Variants in CACNA1E observed in about 807,000 individuals in gnomAD.
CACNA1E encodes the protein calcium voltage-gated channel subunit alpha1 E.
Under a neutral mutation model 259.2 loss-of-function variants are expected in CACNA1E, and 40 were observed. The ratio of observed to expected loss-of-function variants is 0.15; its 90% confidence interval spans 0.12 to 0.20. CACNA1E has a LOEUF of 0.20. CACNA1E is among the 10% of genes least tolerant of loss of function. The pLI is 1.00. For missense variants in CACNA1E, 1,874 were observed against 3,040.1 expected, an observed-to-expected ratio of 0.62 and a Z score of 9.02; for synonymous variants, 1,104 against 1,138.5, an observed-to-expected ratio of 0.97 and a Z score of 0.61.
chr1:181,456,456 T>C (rs969689973), intron 2 of CACNA1E, among the ~76,000 whole-genome samples: 18 of 152,174 alleles, frequency 1.2e-4, no homozygotes, highest in African/African-American at 4.1e-4. Flanking sequence ...AGGTATTCCC[T>C]TGGCACATAC....
Position 181,737,574 on chromosome 1 carries a change from T to G in CACNA1E, c.3472T>G (p.Cys1158Gly). 1 of 1,613,964 alleles carries G rather than the reference T, an allele frequency of 6.2e-7. No individual in the cohort carries two copies. Among genetic ancestry groups the G allele is most frequent in the Non-Finnish European group, 8.5e-7 (1 of 1,179,866 alleles). ...CGTGAACCTGCGCTACTTTGAGATG[T>G]GCATCCTCCTGGTGATTGCAGCCAG... ...YIVNLRYFEM[C>G]ILLVIAASSI... The change falls in exon 23 of 48, where the codon TGC becomes GGC. Residue 1158 changes from cysteine (C) to glycine (G), a missense_variant. Around this residue, in one of 14 missense-constraint regions of CACNA1E, gnomAD observed 56 missense variants for 97.4 expected, o/e 0.57. Coordinates refer to ENST00000367573, the MANE Select transcript of CACNA1E (RefSeq NM_001205293.3).
intron 6 of CACNA1E, among the ~76,000 whole-genome samples, chr1:181,610,015 G>A (rs561786681): frequency 8.5e-5 from 13 of 152,244 alleles, no homozygotes; most frequent in African/African-American, 3.1e-4. Flanking sequence ...ATCCAGTTTT[G>A]TGGCCCCTGG....
intron 6 of CACNA1E, among the ~76,000 whole-genome samples, chr1:181,605,910 A>G (rs2103086355): frequency 6.6e-6 from 1 of 152,268 alleles, no homozygotes; most frequent in East Asian, 1.9e-4. Context: ...TAATTCGGGA[A>G]TTTAAAACTC....
intron 16 of CACNA1E, among the ~76,000 whole-genome samples, chr1:181,723,368 C>G (rs1166611049): frequency 6.6e-6 from 1 of 152,168 alleles, no homozygotes; most frequent in East Asian, 1.9e-4. Flanking sequence ...TGGGTAGAGG[C>G]CACAGCTGTC....
Position 181,487,349 on chromosome 1 carries a change from A to G in CACNA1E, c.266+3339A>G, listed in dbSNP as rs116788295. 1.8e-3 allele frequency among the ~76,000 whole-genome samples: 270 copies of G among 152,272 alleles called. 2 individuals carry two copies. The highest frequency in any genetic ancestry group is 6.3e-3 in the African/African-American group (260 of 41,548). On this transcript the variant is annotated intron_variant, in intron 1 of 47. Transcript: ENST00000367573. ...CACCCCGACTTGGAGGGGGAGGGTA[A>G]TCTTATCCAGTTATTAATAGGGGAG... is the stretch of plus-strand genomic sequence containing the variant.
chr1:181,681,278 C>T (rs1230724633), intron 7 of CACNA1E, among the ~76,000 whole-genome samples: 2 of 152,184 alleles, frequency 1.3e-5, no homozygotes, highest in Admixed American at 6.5e-5. Context: ...GCTGCAAAGC[C>T]GTATTTTCAA....
chr1:181,739,866 G>A (rs1428997212), intron 25 of CACNA1E, among the ~76,000 whole-genome samples: 1 of 152,130 alleles, frequency 6.6e-6, no homozygotes, highest in Admixed American at 6.5e-5. Flanking sequence ...ACAAAATCAT[G>A]TTCATAATAT....
At chr1:181,772,364 C>T (rs1180854873) in intron 37 of CACNA1E, 133 bp downstream of exon 37, 1 of 817,716 alleles carries the variant, frequency 1.2e-6, no homozygotes, top group Non-Finnish European at 2.0e-6. Context: ...CACACCCCCA[C>T]CATGCACACA....
At chr1:181,597,581 C>T (rs1046596820) in intron 6 of CACNA1E, among the ~76,000 whole-genome samples, 7 of 152,170 alleles carry the variant, frequency 4.6e-5, no homozygotes, top group East Asian at 1.9e-4. Flanking sequence ...GCACTCTACA[C>T]GTGTGACTGC....
chr1:181,508,836 G>T (rs1049181378), intron 1 of CACNA1E, among the ~76,000 whole-genome samples: 1 of 152,196 alleles, frequency 6.6e-6, no homozygotes, highest in South Asian at 2.1e-4. Flanking sequence ...TCCATGTGGG[G>T]AGGCTCCCCT....
intron 3 of CACNA1E, among the ~76,000 whole-genome samples, chr1:181,524,434 C>G (rs1430396745): frequency 6.6e-6 from 1 of 152,192 alleles, no homozygotes; most frequent in African/African-American, 2.4e-5. Context: ...TTTTTAAAAT[C>G]TAAAATACCT....
chr1:181,723,225 G>T (rs977328192), intron 16 of CACNA1E, among the ~76,000 whole-genome samples: 1 of 152,090 alleles, frequency 6.6e-6, no homozygotes, highest in Non-Finnish European at 1.5e-5. Flanking sequence ...TCTTTTTGTC[G>T]TTAAGGACAG....
chr1:181,333,116 C>T (rs1346811632), intron 1 of CACNA1E, among the ~76,000 whole-genome samples: 8 of 152,170 alleles, frequency 5.3e-5, no homozygotes, highest in African/African-American at 1.4e-4. Flanking sequence ...GGGCTCCCTT[C>T]ATCAGCTGTG....
chr1:181,472,111 C>T (rs1662549530), intron 2 of CACNA1E, among the ~76,000 whole-genome samples: 1 of 151,166 alleles, frequency 6.6e-6, no homozygotes, highest in Non-Finnish European at 1.5e-5. Flanking sequence ...CCATTTGCCC[C>T]AACATGGATG....
At chr1:181,540,975 T>A (rs1444251236) in intron 3 of CACNA1E, among the ~76,000 whole-genome samples, 1 of 152,190 alleles carries the variant, frequency 6.6e-6, no homozygotes, top group Non-Finnish European at 1.5e-5. Flanking sequence ...CATTTCAGAT[T>A]TTGGAGTTTT....
chr1:181,383,712 T>C (rs1365268519), intron 1 of CACNA1E, among the ~76,000 whole-genome samples: 1 of 152,256 alleles, frequency 6.6e-6, no homozygotes, highest in East Asian at 1.9e-4. Flanking sequence ...AAATGCTCAC[T>C]AAACCCATTT....
intron 2 of CACNA1E, among the ~76,000 whole-genome samples, chr1:181,437,011 A>G (rs545245307): frequency 6.6e-6 from 1 of 152,320 alleles, no homozygotes; most frequent in South Asian, 2.1e-4. Context: ...ATGAATTAAA[A>G]TAATAGAAAA....
intron 22 of CACNA1E, among the ~76,000 whole-genome samples, chr1:181,736,675 A>G (rs1488286077): frequency 6.6e-6 from 1 of 152,194 alleles, no homozygotes; most frequent in Non-Finnish European, 1.5e-5. Flanking sequence ...AGAACATGAG[A>G]AATGTCATTG....
At chr1:181,449,026 G>A (rs886549667) in intron 2 of CACNA1E, among the ~76,000 whole-genome samples, 3 of 152,252 alleles carry the variant, frequency 2.0e-5, no homozygotes, top group Admixed American at 2.0e-4. Flanking sequence ...TCCAGGAATT[G>A]AGGGTGCAAG....
Sources: gnomAD v4.1 joint callset for allele counts (sites outside exome capture counted in the v4.1 genomes callset) on GRCh38, gnomAD v4.1.1 for gene constraint, gnomAD v4.1.1 regional missense constraint, MANE v1.5 for transcripts, NCBI Gene and HGNC (gene_info 2026-07-23, HGNC 2026-07-21) for gene names.